RBM41: variants seen among roughly 807,000 people sequenced by gnomAD.
RBM41 encodes the protein RNA-binding protein 41.
Under a neutral mutation model 30.8 loss-of-function variants are expected in RBM41, and 14 were observed. The ratio of observed to expected loss-of-function variants is 0.45; its 90% confidence interval spans 0.30 to 0.71. RBM41 has a LOEUF of 0.71. Ranked by LOEUF, RBM41 falls within the 30% of genes least tolerant of loss-of-function variation. The pLI, the probability that RBM41 is intolerant of heterozygous loss-of-function variation, is 0.08. For synonymous variants in RBM41, 120 were observed against 110.1 expected, an observed-to-expected ratio of 1.09 and a Z score of -0.56; for missense variants, 276 against 326.3, an observed-to-expected ratio of 0.85 and a Z score of 1.19.
chrX:107,072,772 T>C (rs1290727788), intron 6 of RBM41, among the ~76,000 whole-genome samples: 3 of 111,415 alleles, frequency 2.7e-5, no homozygotes, highest in Admixed American at 9.5e-5. Context: ...CAAAACAGCA[T>C]GGTACTGACA....
chrX:107,071,981 T>C (rs190375926), intron 6 of RBM41, among the ~76,000 whole-genome samples: 2 of 111,127 alleles, frequency 1.8e-5, no homozygotes, highest in Admixed American at 9.5e-5. Context: ...GAAATGATCA[T>C]CCATGTAGAA....
chrX:107,114,730 C>T (rs1044881252), intron 4 of RBM41: 3 of 111,830 alleles, frequency 2.7e-5, no homozygotes, highest in African/African-American at 9.8e-5. Flanking sequence ...ATACTTGGCA[C>T]AAGGTGAGGA....
intron 5 of RBM41, among the ~76,000 whole-genome samples, chrX:107,097,143 T>C (rs1923048493): frequency 8.9e-6 from 1 of 111,919 alleles, no homozygotes; most frequent in Admixed American, 9.5e-5. Flanking sequence ...ACAACCACAT[T>C]AGGAAATAGT....
chrX:107,092,923 ATTGCTATTT>A (rs1348287268), intron 5 of RBM41, among the ~76,000 whole-genome samples: 1 of 111,882 alleles, frequency 8.9e-6, no homozygotes, highest in African/African-American at 3.2e-5. Context: ...TTTTCAGATC[ATTGCTATTT>A]ATAATTGCCC....
chrX:107,112,149 T>C (rs1277789515), intron 5 of RBM41, among the ~76,000 whole-genome samples: 2 of 111,578 alleles, frequency 1.8e-5, no homozygotes, highest in East Asian at 2.8e-4. Context: ...CAACAGAAGA[T>C]TGTGTTTAGA....
chrX:107,093,589 G>A (rs1326830080), intron 5 of RBM41, among the ~76,000 whole-genome samples: 1 of 111,660 alleles, frequency 9.0e-6, no homozygotes, highest in African/African-American at 3.2e-5. Flanking sequence ...CTAAAACAAT[G>A]CTGCATCCAT....
chrX:107,086,347 T>C lies in RBM41; in HGVS notation c.999+2089A>G, dbSNP rs1345366892. On this transcript the variant is annotated intron_variant, in intron 6 of 7. Transcript: ENST00000685964. ...AGGATCAGAATCTCTTGGGAACTTGTTGGAAATGCAAATTCTCAGGCCCCA... is the reference window on the plus strand; with the variant it reads ...AGGATCAGAATCTCTTGGGAACTTGCTGGAAATGCAAATTCTCAGGCCCCA... Among the ~76,000 whole-genome samples, 3 of 111,117 alleles carry C rather than the reference T, an allele frequency of 2.7e-5. No individual in the cohort carries two copies. The East Asian group carries it at 8.4e-4, about 31-fold the overall frequency.
rs1935834127 is a variant in RBM41, at chrX:107,066,251, C to T, written c.*1276G>A. ...CGTATTGCTGTTAAGATTTTCTTTTCGTTTTTGGGTTTTAGCATTTTTCTT... is the reference window on the plus strand; with the variant it reads ...CGTATTGCTGTTAAGATTTTCTTTTTGTTTTTGGGTTTTAGCATTTTTCTT... On this transcript the variant is annotated 3_prime_UTR_variant, in exon 8 of 8. Coordinates refer to ENST00000685964, the MANE Select transcript of RBM41 (RefSeq NM_001324242.2). 9.0e-6 allele frequency: 1 copy of T among 110,898 alleles called. No homozygotes were observed. Among genetic ancestry groups the T allele is most frequent in the Non-Finnish European group, 1.9e-5 (1 of 52,914 alleles). 9.1% of individuals were successfully genotyped at this position (110,898 alleles called of 1,213,427 possible). A position where few individuals can be genotyped will look rare whatever the true frequency, so the allele number is the denominator to read the frequency against.
rs1602579586 is a variant in RBM41, at chrX:107,088,784, G to A, written c.651C>T (p.Tyr217=). 2 of 1,211,020 alleles carry A rather than the reference G, an allele frequency of 1.7e-6. No homozygotes were observed. Among genetic ancestry groups the A allele is most frequent in the Middle Eastern group, 2.3e-4 (1 of 4,350 alleles). The part of the protein sequence containing the change: ...GDPMNNLESF[Y]QEMIMKKRLE... ...GACGTTTTTTCATTATCATCTCTTG[G>A]TAAAAACTTTCCAGGTTGTTCATGG... Residue 217 remains tyrosine, a synonymous_variant, in exon 6 of 8, where the codon TAC becomes TAT. Coordinates refer to ENST00000685964, the MANE Select transcript of RBM41 (RefSeq NM_001324242.2).
intron 6 of RBM41, among the ~76,000 whole-genome samples, chrX:107,075,573 A>G (rs928712304): frequency 1.8e-5 from 2 of 112,361 alleles, no homozygotes; most frequent in Admixed American, 1.9e-4. Flanking sequence ...AATATGGGCA[A>G]AAGACTTAAA....
chrX:107,111,803 A>C (rs1476498965), intron 5 of RBM41, among the ~76,000 whole-genome samples: 1 of 111,703 alleles, frequency 9.0e-6, no homozygotes, highest in Non-Finnish European at 1.9e-5. Flanking sequence ...GTATGATTCC[A>C]CTTATATACT....
chrX:107,112,219 G>A (rs1777516), intron 5 of RBM41, among the ~76,000 whole-genome samples: 1 of 111,335 alleles, frequency 9.0e-6, no homozygotes, highest in South Asian at 3.7e-4. Context: ...TTATAAAACA[G>A]CAAAAGATTT....
At chrX:107,088,137 T>G (rs2147600111) in intron 6 of RBM41, among the ~76,000 whole-genome samples, 1 of 111,819 alleles carries the variant, frequency 8.9e-6, no homozygotes, top group South Asian at 3.8e-4. Flanking sequence ...TGTAGGAAAT[T>G]GGATGTTACT....
At chrX:107,096,424 G>A (rs971795790) in intron 5 of RBM41, among the ~76,000 whole-genome samples, 5 of 112,157 alleles carry the variant, frequency 4.5e-5, no homozygotes, top group Non-Finnish European at 5.6e-5. Flanking sequence ...ATAGATCAAT[G>A]GAACCAAGTT....
chrX:107,097,701 T>G (rs948782811), intron 5 of RBM41, among the ~76,000 whole-genome samples: 1 of 111,770 alleles, frequency 8.9e-6, no homozygotes, highest in African/African-American at 3.3e-5. Context: ...GAGAACAGAC[T>G]AATAAAGCTG....
rs768444335 is a variant in RBM41 at position 107,069,263 on chromosome X, G to C, written c.1139C>G (p.Thr380Ser). The C allele has an allele frequency of 2.5e-6, 3 of 1,204,424 alleles. No individual in the cohort carries two copies. In the South Asian group the frequency reaches 5.4e-5, roughly 22 times the overall value. The change falls in exon 7 of 8, where the codon ACC becomes AGC. Residue 380 changes from threonine (T) to serine (S), a missense_variant. Physicochemically the swap from Thr to Ser is moderately conservative, Grantham distance 58. Coordinates refer to ENST00000685964, the MANE Select transcript of RBM41 (RefSeq NM_001324242.2). ...TGRMRGQAFI[T>S]FPNKEIAWQA... ...TGGATGAAACTACTTACTGGGAAAG[G>C]TGATAAAAGCCTGGCCCCTCATTCG...
intron 5 of RBM41, among the ~76,000 whole-genome samples, chrX:107,111,590 T>C (rs1924477861): frequency 9.0e-6 from 1 of 111,495 alleles, no homozygotes; most frequent in Non-Finnish European, 1.9e-5. Flanking sequence ...GATATTTGTA[T>C]ACCCATGTTC....
chrX:107,095,407 C>A (rs1389410888), intron 5 of RBM41, among the ~76,000 whole-genome samples: 2 of 108,736 alleles, frequency 1.8e-5, no homozygotes, highest in Admixed American at 2.0e-4. Flanking sequence ...AACAGCCTGG[C>A]CAATATGGTG....
At chrX:107,090,531 TC>T (rs1055011979) in intron 5 of RBM41, among the ~76,000 whole-genome samples, 2 of 111,873 alleles carry the variant, frequency 1.8e-5, no homozygotes, top group African/African-American at 6.5e-5. Context: ...CCCCTTCAAA[TC>T]GGCTCCTGTA....
Sources: allele counts gnomAD v4.1 joint callset (sites outside exome capture counted in the v4.1 genomes callset), GRCh38; gene constraint gnomAD v4.1.1; transcripts MANE v1.5; gene names NCBI Gene and HGNC (gene_info 2026-07-23, HGNC 2026-07-21).